Variants in RAP1A observed in about 807,000 individuals in gnomAD.
RAP1A encodes RAP1A, member of RAS oncogene family.
RAP1A carries 6 observed loss-of-function variants against 26.4 expected under a neutral mutation model. The observed-to-expected ratio is 0.23, with a 90% CI of 0.12 to 0.45. The LOEUF is 0.45. Among genes scored for constraint, RAP1A ranks in the 20% least tolerant of loss-of-function variants. The probability of loss-of-function intolerance (pLI) is 0.99; values close to 1 mark genes in which losing one functional copy is unlikely to be tolerated. For synonymous variants in RAP1A, 73 were observed against 79.4 expected (o/e 0.92, Z 0.43); for missense variants, 121 against 217.2 (o/e 0.56, Z 2.78).
At chr1:111,635,120 T>C (rs1048738644) in intron 1 of RAP1A, among the ~76,000 whole-genome samples, 4 of 152,236 alleles carry the variant, frequency 2.6e-5, no homozygotes, top group African/African-American at 7.2e-5. Flanking sequence ...TAAACATTTT[T>C]CCTTTAAAAC....
At chr1:111,569,919 C>T (rs1658013673) in intron 1 of RAP1A, among the ~76,000 whole-genome samples, 1 of 152,076 alleles carries the variant, frequency 6.6e-6, no homozygotes, top group Admixed American at 6.5e-5. Flanking sequence ...AAGTCTTTTC[C>T]CAGTGAGAAC....
chr1:111,691,780 A>G (rs928969745), intron 2 of RAP1A, among the ~76,000 whole-genome samples: 2 of 152,200 alleles, frequency 1.3e-5, no homozygotes, highest in Non-Finnish European at 2.9e-5. Flanking sequence ...CTAGACTTAG[A>G]TGGAATGAAG....
At chr1:111,567,677 CAT>C (rs1466713199) in intron 1 of RAP1A, among the ~76,000 whole-genome samples, 1 of 152,154 alleles carries the variant, frequency 6.6e-6, no homozygotes, top group Non-Finnish European at 1.5e-5. Context: ...ACACCAGAGA[CAT>C]ATATGTGTCT....
chr1:111,651,265 A>G (rs1228759872), intron 1 of RAP1A, among the ~76,000 whole-genome samples: 1 of 152,122 alleles, frequency 6.6e-6, no homozygotes, highest in Non-Finnish European at 1.5e-5. Flanking sequence ...TGGGATTTAG[A>G]AATACTTGAT....
At chr1:111,564,633 C>T (rs1482325565) in intron 1 of RAP1A, among the ~76,000 whole-genome samples, 1 of 151,914 alleles carries the variant, frequency 6.6e-6, no homozygotes, top group Non-Finnish European at 1.5e-5. Context: ...CTGCCTCAGC[C>T]TCCCAAGTAG....
intron 1 of RAP1A, among the ~76,000 whole-genome samples, chr1:111,610,358 C>T (rs12034389): frequency 6.6e-6 from 1 of 152,086 alleles, no homozygotes; most frequent in East Asian, 1.9e-4. Flanking sequence ...GAATTTGCTC[C>T]CTCAGCTCAA....
chr1:111,646,615 A>G (rs1026621404), intron 1 of RAP1A, among the ~76,000 whole-genome samples: 1 of 151,904 alleles, frequency 6.6e-6, no homozygotes, highest in South Asian at 2.1e-4. Flanking sequence ...ATCTCGGCTC[A>G]CTGCAAGCTC....
At chr1:111,597,473 T>C (rs371527422) in intron 1 of RAP1A, among the ~76,000 whole-genome samples, 5 of 152,212 alleles carry the variant, frequency 3.3e-5, no homozygotes, top group East Asian at 3.8e-4. Context: ...CAAATGTGTA[T>C]ACTCCAGGAA....
chr1:111,624,924 A>G (rs1659346507), intron 1 of RAP1A, among the ~76,000 whole-genome samples: 1 of 152,140 alleles, frequency 6.6e-6, no homozygotes, highest in African/African-American at 2.4e-5. Flanking sequence ...GGTTAGATAA[A>G]TCTGAAAAAA....
chr1:111,675,783 G>C (rs1218097074), intron 1 of RAP1A, among the ~76,000 whole-genome samples: 1 of 152,188 alleles, frequency 6.6e-6, no homozygotes, highest in Admixed American at 6.5e-5. Context: ...TGCTGATAAA[G>C]ACATACCCAA....
intron 1 of RAP1A, among the ~76,000 whole-genome samples, chr1:111,657,062 A>G (rs913006574): frequency 6.6e-6 from 1 of 151,762 alleles, no homozygotes. Context: ...TTTTTACTAC[A>G]ATAGGTACTT....
At chr1:111,573,591 T>C (rs935957007) in intron 1 of RAP1A, among the ~76,000 whole-genome samples, 2 of 152,108 alleles carry the variant, frequency 1.3e-5, no homozygotes, top group Admixed American at 1.3e-4. Flanking sequence ...CACCTCAGCC[T>C]CCCAAAGTGC....
At chr1:111,658,746 G>T (rs1660542343) in intron 1 of RAP1A, among the ~76,000 whole-genome samples, 2 of 152,176 alleles carry the variant, frequency 1.3e-5, no homozygotes, top group South Asian at 4.1e-4. Context: ...TGTAAATGTT[G>T]ATTAGATCCA....
chr1:111,560,508 T>G (rs1657692037), intron 1 of RAP1A, among the ~76,000 whole-genome samples: 1 of 145,844 alleles, frequency 6.9e-6, no homozygotes, highest in Admixed American at 6.7e-5. Flanking sequence ...ACTTATTAAT[T>G]AGAGACAGGG....
At chr1:111,617,069 T>C (rs1659027805), upstream of RAP1A, among the ~76,000 whole-genome samples, 1 of 152,120 alleles carries the variant, frequency 6.6e-6, no homozygotes, top group Non-Finnish European at 1.5e-5. Context: ...TGCGCATGTG[T>C]GTGTGTTATA....
chr1:111,548,290 G>A (rs1657113190), intron 1 of RAP1A, among the ~76,000 whole-genome samples: 2 of 152,170 alleles, frequency 1.3e-5, no homozygotes, highest in Admixed American at 1.3e-4. Flanking sequence ...CAAAGTGCTG[G>A]GATTACAAGC....
chr1:111,640,457 T>G (rs1416038147), intron 1 of RAP1A, among the ~76,000 whole-genome samples: 2 of 152,234 alleles, frequency 1.3e-5, no homozygotes, highest in African/African-American at 4.8e-5. Flanking sequence ...TAGCAGGGAT[T>G]CTTTAATAGA....
intron 1 of RAP1A, among the ~76,000 whole-genome samples, chr1:111,612,162 C>A (rs1300227661): frequency 3.3e-5 from 5 of 152,140 alleles, no homozygotes; most frequent in Non-Finnish European, 5.9e-5. Flanking sequence ...AAGCTTTTCT[C>A]TTCTGATAAA....
At chr1:111,542,977 G>A (rs796087641) in intron 1 of RAP1A, among the ~76,000 whole-genome samples, 4 of 152,268 alleles carry the variant, frequency 2.6e-5, no homozygotes, top group African/African-American at 9.6e-5. Context: ...GATTACAAGC[G>A]TGAGTGAGCC....
Sources: allele counts gnomAD v4.1 joint callset (sites outside exome capture counted in the v4.1 genomes callset), GRCh38; gene constraint gnomAD v4.1.1; transcripts MANE v1.5; gene names NCBI Gene and HGNC (gene_info 2026-07-23, HGNC 2026-07-21).